DYNC1H1: variants seen among roughly 807,000 people sequenced by gnomAD.
DYNC1H1 encodes the protein cytoplasmic dynein 1 heavy chain 1.
DYNC1H1 carries 51 observed loss-of-function variants against 527.1 expected under a neutral mutation model. The observed-to-expected ratio is 0.10, with a 90% confidence interval of 0.08 to 0.12. DYNC1H1 has a LOEUF of 0.12. DYNC1H1 is among the 10% of genes least tolerant of loss of function. DYNC1H1 has a pLI of 1.00. For synonymous variants in DYNC1H1, 2,189 were observed against 2,278.8 expected (o/e 0.96, Z 1.12); for missense variants, 2,771 against 5,971.8 (o/e 0.46, Z 17.66).
At position 101,991,549 on chromosome 14, in the gene DYNC1H1, T is replaced by C; in HGVS notation, c.2891T>C (p.Ile964Thr). 6.2e-7 allele frequency: 1 copy of C among 1,614,216 alleles called. No individual in the cohort carries two copies. The highest frequency in any genetic ancestry group is 8.5e-7 in the Non-Finnish European group (1 of 1,180,028). Reference sequence around the variant, plus strand: ...CAGAATGTCGTTCATGAGCTAAGAATAACCAATCAGGTAATCTACTTGAAT... The same window carrying C: ...CAGAATGTCGTTCATGAGCTAAGAACAACCAATCAGGTAATCTACTTGAAT... ...KIKNVVHELR[I>T]TNQVIYLNPP... The change falls in exon 11 of 78, where the codon ATA becomes ACA. Residue 964 changes from isoleucine (I) to threonine (T), a missense_variant. Transcript: ENST00000360184.
intron 16 of DYNC1H1, 63 bp from the exon 17 acceptor site, chr14:101,999,926 G>A (rs2048110873): frequency 1.2e-6 from 2 of 1,611,672 alleles, no homozygotes; most frequent in Non-Finnish European, 1.7e-6. Flanking sequence ...CCATTTTAAA[G>A]CCTAAATGCT....
In DYNC1H1 at chr14:102,027,040, C is replaced by A; in HGVS notation, c.8772-134C>A. On this transcript the variant is annotated intron_variant, in intron 44 of 77. Transcript: ENST00000360184. This position sits in a 1 kb window ranked among gnomAD's most constrained non-coding sequence, Gnocchi z 7.7. ...CATTCCTCCTGGACTTCACAAATAA[C>A]AGTTGCTCAGCAAATGTTTAATATA... 1 of 1,079,714 alleles carries A rather than the reference C, an allele frequency of 9.3e-7. No individual in the cohort carries two copies. The highest frequency in any genetic ancestry group is 1.4e-6 in the Non-Finnish European group (1 of 699,972). The allele number at this position is 1,079,714 out of a possible 1,614,324, so 66.9% of individuals were successfully genotyped here. A position where few individuals can be genotyped will look rare whatever the true frequency, so the allele number is the denominator to read the frequency against.
Position 102,001,191 on chromosome 14 carries a change from G to A in DYNC1H1, c.4232G>A (p.Arg1411His). 1.2e-6 allele frequency: 2 copies of A among 1,614,144 alleles called. No individual in the cohort carries two copies. The highest frequency in any genetic ancestry group is 1.7e-6 in the Non-Finnish European group (2 of 1,180,036). ...IELKSEALKD[R>H]HWKQLMKRLH... ...CTGAAATCCGAAGCACTTAAAGACC[G>A]CCATTGGAAACAGCTCATGAAAAGG... is the stretch of plus-strand genomic sequence containing the variant. The change falls in exon 20 of 78, where the codon CGC (arginine) becomes CAC (histidine). Residue 1411 changes from arginine (R) to histidine (H), a missense_variant. Arg to His is a conservative substitution (Grantham distance 29). This residue lies in a region of DYNC1H1 where 223 missense variants were observed against 462.5 expected (regional missense o/e 0.48). Coordinates refer to ENST00000360184, the MANE Select transcript of DYNC1H1 (RefSeq NM_001376.5). The surrounding 1 kb of genome is among the most constrained non-coding windows in gnomAD (Gnocchi z 5.0).
At chr14:102,006,260 A>T (rs17512327) in intron 27 of DYNC1H1, 90 bp downstream of exon 27, 1 of 1,570,442 alleles carries the variant, frequency 6.4e-7, no homozygotes, top group East Asian at 2.3e-5. Flanking sequence ...TCTTTTTGAG[A>T]TGGAGTGTCT....
chr14:102,023,276 C>G (rs1188531148), intron 43 of DYNC1H1: 2 of 341,122 alleles, frequency 5.9e-6, no homozygotes, highest in South Asian at 4.6e-5. Flanking sequence ...ATCAGCCGGG[C>G]GCGGTGGCTC....
Position 102,013,271 on chromosome 14 carries a change from A to AT in DYNC1H1, c.7014+801_7014+802insT, listed in dbSNP as rs2048280019. Among the ~76,000 whole-genome samples the AT allele has an allele frequency of 5.9e-5, 9 of 151,602 alleles. No individual in the cohort carries two copies. The South Asian group carries it at 1.7e-3, about 28-fold the overall frequency. ...CTCAAAAAAAAAAAAAAAAAAAAAAAAGGCAGGAAGACAAAAGCCCTTGCT... is the reference window on the plus strand; with the variant it reads ...CTCAAAAAAAAAAAAAAAAAAAAAAATAGGCAGGAAGACAAAAGCCCTTGCT... On this transcript the variant is annotated intron_variant, in intron 34 of 77. Transcript: ENST00000360184.
intron 1 of DYNC1H1, among the ~76,000 whole-genome samples, chr14:101,974,044 A>G (rs893191685): frequency 6.6e-6 from 1 of 152,198 alleles, no homozygotes; most frequent in African/African-American, 2.4e-5. Context: ...TCAAGGTCAC[A>G]TATCTTCTAA....
chr14:101,996,295 A>C (rs1183441430), intron 15 of DYNC1H1, among the ~76,000 whole-genome samples: 1 of 151,274 alleles, frequency 6.6e-6, no homozygotes, highest in Non-Finnish European at 1.5e-5. Context: ...ATGCCCGGCT[A>C]ATTTTTGTAT....
At chr14:101,982,006 C>T (rs189286102) in intron 5 of DYNC1H1, among the ~76,000 whole-genome samples, 57 of 152,324 alleles carry the variant, frequency 3.7e-4, no homozygotes, top group Admixed American at 7.8e-4. Flanking sequence ...TACTGGTCCG[C>T]GGCCTGTTGG....
intron 12 of DYNC1H1, 147 bp from the exon 13 acceptor site, chr14:101,994,526 T>A: frequency 4.5e-6 from 6 of 1,321,572 alleles, no homozygotes; most frequent in Non-Finnish European, 6.2e-6. Flanking sequence ...TCTTTTTTGA[T>A]ATGAAAATTC....
Position 102,056,287 on chromosome 14 carries a change from T to C in DYNC1H1, c.*5724T>C, listed in dbSNP as rs1174218077. 1 of 152,258 alleles carries C rather than the reference T, an allele frequency of 6.6e-6. No individual in the cohort carries two copies. The highest frequency in any genetic ancestry group is 2.4e-5 in the African/African-American group (1 of 41,474). The allele number at this position is 152,258 out of a possible 1,614,324, so 9.4% of individuals were successfully genotyped here. A position where few individuals can be genotyped will look rare whatever the true frequency, so the allele number is the denominator to read the frequency against. ...ACCAGTGCATGAAACCCCTGTCACGTATCCCCCAGACTGCTCAATCAATCA... is the reference window on the plus strand; with the variant it reads ...ACCAGTGCATGAAACCCCTGTCACGCATCCCCCAGACTGCTCAATCAATCA... On this transcript the variant is annotated 3_prime_UTR_variant, in exon 78 of 78. Transcript: ENST00000360184.
chr14:102,044,789 A>G lies in DYNC1H1; in HGVS notation c.13006+91A>G. ...GGCGAGGGTCCCCACACGCAGGGTG[A>G]GTGTGCACTGCTGTCCCAGGGCCCT... On this transcript the variant is annotated intron_variant, in intron 72 of 77. Coordinates refer to ENST00000360184, the MANE Select transcript of DYNC1H1 (RefSeq NM_001376.5). The surrounding 1 kb of genome is among the most constrained non-coding windows in gnomAD (Gnocchi z 7.1). The G allele has an allele frequency of 6.3e-6, 9 of 1,432,854 alleles. No homozygotes were observed. The highest frequency in any genetic ancestry group is 2.3e-5 in the East Asian group (1 of 43,342). 88.8% of individuals were successfully genotyped at this position (1,432,854 alleles called of 1,614,324 possible). A position where few individuals can be genotyped will look rare whatever the true frequency, so the allele number is the denominator to read the frequency against.
At chr14:101,999,670 A>G (rs892534785) in intron 16 of DYNC1H1, among the ~76,000 whole-genome samples, 3 of 152,172 alleles carry the variant, frequency 2.0e-5, no homozygotes, top group Non-Finnish European at 4.4e-5. Flanking sequence ...GTCCTCTTCT[A>G]TCACTGGGGA....
intron 2 of DYNC1H1, among the ~76,000 whole-genome samples, chr14:101,976,719 A>C (rs1337318823): frequency 6.6e-6 from 1 of 152,160 alleles, no homozygotes; most frequent in Non-Finnish European, 1.5e-5. Flanking sequence ...GCTGTAATAT[A>C]TGTAACATGT....
Position 102,027,949 on chromosome 14 carries a change from T to C in DYNC1H1, c.9276T>C (p.Asn3092=), listed in dbSNP as rs2048469022. Residue 3092 remains asparagine, a synonymous_variant, in exon 48 of 78, where the codon AAT becomes AAC. Coordinates refer to ENST00000360184, the MANE Select transcript of DYNC1H1 (RefSeq NM_001376.5). This position sits in a 1 kb window ranked among gnomAD's most constrained non-coding sequence, Gnocchi z 7.7. ...GCCTCTTTCTCAGGTGTGTGTTGAA[T>C]TGGTTTGGAGACTGGTCCACCGAAG... The part of the protein sequence containing the change: ...SPALFNRCVL[N]WFGDWSTEAL... The C allele has an allele frequency of 6.2e-7, 1 of 1,614,164 alleles. No homozygotes were observed. The highest frequency in any genetic ancestry group is 8.5e-7 in the Non-Finnish European group (1 of 1,180,022).
chr14:102,004,593 C>G lies in DYNC1H1; in HGVS notation c.4959C>G (p.His1653Gln). 1 of 1,614,190 alleles carries G rather than the reference C, an allele frequency of 6.2e-7. No individual in the cohort carries two copies. Among genetic ancestry groups the G allele is most frequent in the Non-Finnish European group, 8.5e-7 (1 of 1,180,030 alleles). ...NSKNVAKLQK[H>Q]FKKMFAGVSS... ...AGAATGTCGCTAAATTACAGAAACACTTCAAGAAGATGTTTGCTGGAGTTT... is the reference window on the plus strand; with the variant it reads ...AGAATGTCGCTAAATTACAGAAACAGTTCAAGAAGATGTTTGCTGGAGTTT... Residue 1653 changes from histidine (H) to glutamine (Q), a missense_variant, in exon 24 of 78, where the codon CAC becomes CAG. Coordinates refer to ENST00000360184, the MANE Select transcript of DYNC1H1 (RefSeq NM_001376.5).
chr14:101,981,938 A>C (rs2047870179), intron 5 of DYNC1H1, among the ~76,000 whole-genome samples: 1 of 152,188 alleles, frequency 6.6e-6, no homozygotes, highest in African/African-American at 2.4e-5. Flanking sequence ...TCTAAACTTA[A>C]TTGTTACTAA....
Position 102,012,559 on chromosome 14 carries a change from G to GACTCCA in DYNC1H1, c.7014+89_7014+90insACTCCA. On this transcript the variant is annotated intron_variant, in intron 34 of 77. Transcript: ENST00000360184. The surrounding 1 kb of genome is among the most constrained non-coding windows in gnomAD (Gnocchi z 4.9). ...TAGCTAAGTGCAGCTCTGGAGTCAT[G>GACTCCA]GACCCAGATTCCATGGAGTAGTGAT... 2.6e-6 allele frequency: 4 copies of GACTCCA among 1,553,906 alleles called. No homozygotes were observed. The highest frequency in any genetic ancestry group is 3.5e-6 in the Non-Finnish European group (4 of 1,127,930).
chr14:102,017,720 A>T lies in DYNC1H1; in HGVS notation c.8177+216A>T. 2 of 852,182 alleles carry T rather than the reference A, an allele frequency of 2.3e-6. No homozygotes were observed. Among genetic ancestry groups the T allele is most frequent in the Non-Finnish European group, 3.5e-6 (2 of 565,358 alleles). 52.8% of individuals were successfully genotyped at this position (852,182 alleles called of 1,614,324 possible). ...AGTGGCTTACGCCTATAATCCCAGC[A>T]CTTTGGGAGGCCGAGGCGGGCGGAT... is the stretch of plus-strand genomic sequence containing the variant. On this transcript the variant is annotated intron_variant, in intron 40 of 77. Coordinates refer to ENST00000360184, the MANE Select transcript of DYNC1H1 (RefSeq NM_001376.5). This position sits in a 1 kb window ranked among gnomAD's most constrained non-coding sequence, Gnocchi z 4.6.
Sources: gnomAD v4.1 joint callset for allele counts (sites outside exome capture counted in the v4.1 genomes callset) on GRCh38, gnomAD v4.1.1 for gene constraint, gnomAD v4.1.1 regional missense constraint, Gnocchi (gnomAD v3.1) non-coding constraint, MANE v1.5 for transcripts, NCBI Gene and HGNC (gene_info 2026-07-23, HGNC 2026-07-21) for gene names.